Variants in CCSER1 observed in about 807,000 individuals in gnomAD.
CCSER1 encodes the protein serine-rich coiled-coil domain-containing protein 1.
A neutral mutation model predicts 82.0 loss-of-function variants in CCSER1; 41 were observed. That is an observed-to-expected ratio of 0.50 (90% CI 0.39 to 0.65). CCSER1 has a LOEUF of 0.65. Among genes scored for constraint, CCSER1 ranks in the 30% least tolerant of loss-of-function variants. The pLI, the probability that CCSER1 is intolerant of heterozygous loss-of-function variation, is 0.00. For synonymous variants in CCSER1, 414 were observed against 383.9 expected (o/e 1.08, Z -0.92); for missense variants, 1,119 against 1,064.2 (o/e 1.05, Z -0.72).
intron 10 of CCSER1, among the ~76,000 whole-genome samples, chr4:91,463,906 T>C (rs895908674): frequency 3.9e-5 from 6 of 152,116 alleles, no homozygotes; most frequent in South Asian, 2.1e-4. Flanking sequence ...ACAGGGAGAA[T>C]GGAACCAAGT....
chr4:91,186,572 C>T (rs990697452), intron 10 of CCSER1, among the ~76,000 whole-genome samples: 1 of 152,178 alleles, frequency 6.6e-6, no homozygotes, highest in Non-Finnish European at 1.5e-5. Context: ...GAATTAAAGA[C>T]ACACACACAG....
At chr4:91,054,400 T>C (rs1275841480) in intron 9 of CCSER1, among the ~76,000 whole-genome samples, 1 of 152,194 alleles carries the variant, frequency 6.6e-6, no homozygotes, top group Non-Finnish European at 1.5e-5. Flanking sequence ...TTAGATGGAA[T>C]CTTTTATTTA....
At chr4:90,286,367 A>T (rs572521141) in intron 1 of CCSER1, among the ~76,000 whole-genome samples, 88 of 152,044 alleles carry the variant, frequency 5.8e-4, no homozygotes, top group Non-Finnish European at 1.1e-3. Context: ...TTGTAAAAGA[A>T]AGTGAAGCAG....
At chr4:91,172,114 AATG>A (rs1227425016) in intron 10 of CCSER1, among the ~76,000 whole-genome samples, 3 of 152,186 alleles carry the variant, frequency 2.0e-5, no homozygotes, top group African/African-American at 7.2e-5. Context: ...TCCCATATAA[AATG>A]ATGATATAAG....
At chr4:91,203,050 C>T (rs151271587) in intron 10 of CCSER1, among the ~76,000 whole-genome samples, 1 of 151,820 alleles carries the variant, frequency 6.6e-6, no homozygotes, top group Admixed American at 6.6e-5. Context: ...AGTCACTGTC[C>T]GTAGACCAAG....
chr4:90,828,318 AAC>A (rs1214427183), intron 8 of CCSER1, among the ~76,000 whole-genome samples: 1 of 150,754 alleles, frequency 6.6e-6, no homozygotes, highest in Non-Finnish European at 1.5e-5. Context: ...ATATTTTTAT[AAC>A]ATGTGTGAAT....
chr4:90,522,517 T>A (rs1386975468), intron 5 of CCSER1, among the ~76,000 whole-genome samples: 1 of 152,132 alleles, frequency 6.6e-6, no homozygotes, highest in Admixed American at 6.6e-5. Context: ...TGCTAAGATA[T>A]CTCCACATGG....
At chr4:90,507,216 A>G (rs1489005549) in intron 5 of CCSER1, among the ~76,000 whole-genome samples, 2 of 152,188 alleles carry the variant, frequency 1.3e-5, no homozygotes, top group Admixed American at 1.3e-4. Flanking sequence ...CAATAAAGTC[A>G]TAATGGCTCA....
chr4:91,149,827 C>T (rs1046790924), intron 10 of CCSER1, among the ~76,000 whole-genome samples: 2 of 152,070 alleles, frequency 1.3e-5, no homozygotes, highest in Non-Finnish European at 2.9e-5. Flanking sequence ...TGTTCTGTTC[C>T]ATTGGTCTAT....
chr4:91,350,886 CA>C (rs1748424160), intron 10 of CCSER1, among the ~76,000 whole-genome samples: 1 of 151,516 alleles, frequency 6.6e-6, no homozygotes, highest in African/African-American at 2.4e-5. Flanking sequence ...TGACAGGAAA[CA>C]AAAAAATTTA....
intron 5 of CCSER1, among the ~76,000 whole-genome samples, chr4:90,513,863 G>A (rs1578899960): frequency 6.6e-6 from 1 of 152,156 alleles, no homozygotes; most frequent in Non-Finnish European, 1.5e-5. Context: ...CTGATGTTAC[G>A]AGTTTCAAAG....
At chr4:90,822,541 A>G (rs1449206090) in intron 8 of CCSER1, among the ~76,000 whole-genome samples, 1 of 152,148 alleles carries the variant, frequency 6.6e-6, no homozygotes, top group Non-Finnish European at 1.5e-5. Context: ...AGCATGGCCA[A>G]CATGGTGAAA....
intron 10 of CCSER1, among the ~76,000 whole-genome samples, chr4:91,281,939 TA>T (rs1480348501): frequency 6.6e-6 from 1 of 152,204 alleles, no homozygotes; most frequent in Admixed American, 6.5e-5. Flanking sequence ...CATGTGTTTT[TA>T]GTTTGTATTT....
intron 1 of CCSER1, among the ~76,000 whole-genome samples, chr4:90,169,459 A>G (rs893730461): frequency 2.0e-5 from 3 of 151,974 alleles, no homozygotes; most frequent in Non-Finnish European, 4.4e-5. Flanking sequence ...CTAACTGAAT[A>G]CCCTTTATTT....
Position 91,594,272 on chromosome 4 carries a change from C to CAT in CCSER1, c.2218-4287_2218-4286dup, listed in dbSNP as rs371669359. 4.9e-4 allele frequency among the ~76,000 whole-genome samples: 72 copies of CAT among 148,218 alleles called. 1 individual carries two copies. The highest frequency in any genetic ancestry group is 1.6e-3 in the East Asian group (8 of 5,094). ...TCCTCTGGGCCAAGGCAACCAAATC[C>CAT]ATATATATATATATGTGTGTATATA... On this transcript the variant is annotated intron_variant, in intron 10 of 10. Transcript: ENST00000509176.
At chr4:90,798,260 A>G (rs1179581635) in intron 7 of CCSER1, among the ~76,000 whole-genome samples, 1 of 151,978 alleles carries the variant, frequency 6.6e-6, no homozygotes, top group Non-Finnish European at 1.5e-5. Context: ...TTTTCTTGGT[A>G]TATTCTGCTG....
intron 1 of CCSER1, among the ~76,000 whole-genome samples, chr4:90,146,182 T>C (rs1946567): frequency 0.28 from 43,009 of 151,958 alleles, 7,710 homozygotes; most frequent in East Asian, 0.65. Flanking sequence ...TCATTTTTAA[T>C]ATTCTTGTAT....
chr4:90,927,049 A>G (rs527419323), intron 9 of CCSER1, among the ~76,000 whole-genome samples: 1 of 152,140 alleles, frequency 6.6e-6, no homozygotes, highest in Non-Finnish European at 1.5e-5. Context: ...ACAATATTTG[A>G]GAATGCATAA....
intron 7 of CCSER1, among the ~76,000 whole-genome samples, chr4:90,767,758 C>A (rs1751466273): frequency 6.6e-6 from 1 of 152,052 alleles, no homozygotes; most frequent in Non-Finnish European, 1.5e-5. Context: ...TGCTCCATCT[C>A]CAGGGCTCAA....
Sources: gnomAD v4.1 joint callset for allele counts (sites outside exome capture counted in the v4.1 genomes callset) on GRCh38, gnomAD v4.1.1 for gene constraint, MANE v1.5 for transcripts, NCBI Gene and HGNC (gene_info 2026-07-23, HGNC 2026-07-21) for gene names.